ULK4: variants seen among roughly 807,000 people sequenced by gnomAD.
ULK4 encodes unc-51 like kinase 4, also known as inactive serine/threonine-protein kinase ULK4.
A neutral mutation model predicts 160.6 loss-of-function variants in ULK4; 133 were observed. The ratio of observed to expected loss-of-function variants is 0.83; its 90% CI spans 0.72 to 0.96. The LOEUF (loss-of-function observed/expected upper bound fraction) is 0.96, where lower values mean the gene tolerates loss of function less well. Ranked by LOEUF, ULK4 falls within the 40% of genes least tolerant of loss-of-function variation. The probability of loss-of-function intolerance (pLI) is 0.00; values close to 1 mark genes in which losing one functional copy is unlikely to be tolerated. For synonymous variants in ULK4, 534 were observed against 539.8 expected, an observed-to-expected ratio of 0.99 and a Z score of 0.15; for missense variants, 1,580 against 1,499.5, an observed-to-expected ratio of 1.05 and a Z score of -0.89.
chr3:41,628,522 T>C (rs1032784669), intron 30 of ULK4, among the ~76,000 whole-genome samples: 3 of 152,082 alleles, frequency 2.0e-5, no homozygotes, highest in East Asian at 3.9e-4. Flanking sequence ...CAAACTTAAA[T>C]GGAGGAGCAT....
intron 21 of ULK4, among the ~76,000 whole-genome samples, chr3:41,773,008 C>G (rs1403658958): frequency 1.3e-5 from 2 of 152,102 alleles, no homozygotes; most frequent in Non-Finnish European, 2.9e-5. Context: ...AGGTCTTTGA[C>G]AAAATTCAAC....
intron 32 of ULK4, among the ~76,000 whole-genome samples, chr3:41,489,002 G>A (rs543573495): frequency 2.6e-5 from 4 of 152,158 alleles, no homozygotes; most frequent in Non-Finnish European, 4.4e-5. Flanking sequence ...CCCTCCCACT[G>A]AGGCTCTATC....
intron 22 of ULK4, among the ~76,000 whole-genome samples, chr3:41,730,913 G>C (rs2037799848): frequency 6.6e-6 from 1 of 151,990 alleles, no homozygotes; most frequent in Non-Finnish European, 1.5e-5. Flanking sequence ...ATCACATTAA[G>C]AAAATCAAGA....
At chr3:41,864,085 C>T (rs113756167) in intron 17 of ULK4, among the ~76,000 whole-genome samples, 6,630 of 152,136 alleles carry the variant, frequency 0.044, 449 homozygotes, top group African/African-American at 0.15. Flanking sequence ...AGTGCTGCAG[C>T]GCTCAGTGGT....
At chr3:41,270,228 G>A (rs1005083334) in intron 35 of ULK4, among the ~76,000 whole-genome samples, 3 of 152,192 alleles carry the variant, frequency 2.0e-5, no homozygotes, top group African/African-American at 7.2e-5. Context: ...TCAGGCGGGG[G>A]AGGATACAAA....
At chr3:41,326,770 T>C (rs1049105505) in intron 35 of ULK4, among the ~76,000 whole-genome samples, 30 of 152,310 alleles carry the variant, frequency 2.0e-4, no homozygotes, top group African/African-American at 7.2e-4. Flanking sequence ...TATTGAGAAA[T>C]GGTCTTGACA....
intron 27 of ULK4, among the ~76,000 whole-genome samples, chr3:41,682,961 G>A (rs1013281661): frequency 1.3e-5 from 2 of 152,052 alleles, no homozygotes; most frequent in Admixed American, 1.3e-4. Context: ...ATTTAAAAAC[G>A]AATAAACATG....
intron 22 of ULK4, among the ~76,000 whole-genome samples, chr3:41,737,851 C>T (rs1199670682): frequency 6.6e-6 from 1 of 151,888 alleles, no homozygotes; most frequent in Non-Finnish European, 1.5e-5. Flanking sequence ...GACCCCAGCA[C>T]ATCTATAGAC....
chr3:41,907,499 A>G (rs997886698), intron 12 of ULK4, among the ~76,000 whole-genome samples: 1 of 151,862 alleles, frequency 6.6e-6, no homozygotes, highest in Non-Finnish European at 1.5e-5. Context: ...GGGTCTCGCT[A>G]TGTTGGCCAG....
chr3:41,686,734 C>T (rs1236385640), intron 27 of ULK4, among the ~76,000 whole-genome samples: 3 of 152,096 alleles, frequency 2.0e-5, no homozygotes, highest in Admixed American at 2.0e-4. Flanking sequence ...AGAACGGCTC[C>T]AAGGGTACTC....
intron 30 of ULK4, among the ~76,000 whole-genome samples, chr3:41,628,478 C>G (rs2033615228): frequency 6.6e-6 from 1 of 152,162 alleles, no homozygotes; most frequent in Non-Finnish European, 1.5e-5. Context: ...GCCAAAAATG[C>G]ATGACCTCAA....
Position 41,954,679 on chromosome 3 carries a change from G to C in ULK4, c.81C>G (p.Ile27Met), listed in dbSNP as rs1700424598. The C allele has an allele frequency of 6.2e-7, 1 of 1,613,890 alleles. No homozygotes were observed. The highest frequency in any genetic ancestry group is 8.5e-7 in the Non-Finnish European group (1 of 1,179,902). ...CAGTACAAAGAATGGCTACAAAATTGATTGTTCCCTTCCGTCGCCCTTTAT... is the reference window on the plus strand; with the variant it reads ...CAGTACAAAGAATGGCTACAAAATTCATTGTTCCCTTCCGTCGCCCTTTAT... ...VVYKGRRKGTINFVAILCTDK... is the reference protein window; with the variant it reads ...VVYKGRRKGTMNFVAILCTDK... The change falls in exon 2 of 37, where the codon ATC becomes ATG. Residue 27 changes from isoleucine to methionine, a missense_variant. Transcript: ENST00000301831.
At chr3:41,470,653 C>T (rs1245957264) in intron 32 of ULK4, among the ~76,000 whole-genome samples, 1 of 152,004 alleles carries the variant, frequency 6.6e-6, no homozygotes, top group Non-Finnish European at 1.5e-5. Context: ...ATGACTACAG[C>T]TAAAATAAAC....
intron 34 of ULK4, among the ~76,000 whole-genome samples, chr3:41,448,826 G>A (rs2083363877): frequency 6.6e-6 from 1 of 152,214 alleles, no homozygotes; most frequent in South Asian, 2.1e-4. Flanking sequence ...TTGGGCAATT[G>A]AGTGGAAGTT....
chr3:41,898,118 G>A (rs114887786), intron 14 of ULK4, among the ~76,000 whole-genome samples: 2,074 of 152,162 alleles, frequency 0.014, 38 homozygotes, highest in African/African-American at 0.048. Flanking sequence ...CATAAATGGT[G>A]GAAATTCAAC....
intron 25 of ULK4, among the ~76,000 whole-genome samples, chr3:41,711,513 T>A (rs1189772425): frequency 6.6e-6 from 1 of 152,164 alleles, no homozygotes; most frequent in Non-Finnish European, 1.5e-5. Flanking sequence ...ATATATACTA[T>A]CATGTTTTCA....
At chr3:41,417,781 C>T (rs546421009) in intron 34 of ULK4, among the ~76,000 whole-genome samples, 4 of 152,218 alleles carry the variant, frequency 2.6e-5, no homozygotes, top group South Asian at 4.1e-4. Flanking sequence ...CATATGGTCA[C>T]GTCAAGGCAA....
chr3:41,509,535 A>C (rs2085499657), intron 32 of ULK4, among the ~76,000 whole-genome samples: 1 of 152,190 alleles, frequency 6.6e-6, no homozygotes, highest in South Asian at 2.1e-4. Context: ...AGGTTATCTA[A>C]AGTCAGGACA....
chr3:41,487,867 C>T (rs919217343), intron 32 of ULK4, among the ~76,000 whole-genome samples: 1 of 152,046 alleles, frequency 6.6e-6, no homozygotes, highest in Non-Finnish European at 1.5e-5. Flanking sequence ...GTGTAAATAT[C>T]CCTAATACAA....
Sources: gnomAD v4.1 joint callset for allele counts (sites outside exome capture counted in the v4.1 genomes callset) on GRCh38, gnomAD v4.1.1 for gene constraint, MANE v1.5 for transcripts, NCBI Gene and HGNC (gene_info 2026-07-23, HGNC 2026-07-21) for gene names.